Variants in SH3BGRL2 observed in about 807,000 individuals in gnomAD.
SH3BGRL2 encodes the protein SH3 domain binding glutamate rich protein like 2.
In SH3BGRL2, 21 loss-of-function variants were observed where a neutral mutation model predicts 14.8. The observed-to-expected ratio is 1.42, with a 90% CI of 1.01 to 2.05. The LOEUF (loss-of-function observed/expected upper bound fraction) is 2.05, where lower values mean the gene tolerates loss of function less well. Among genes scored for constraint, SH3BGRL2 ranks in the 30% most tolerant of loss-of-function variants. SH3BGRL2 has a pLI of 0.00. For missense variants in SH3BGRL2, 147 were observed against 130.8 expected, an observed-to-expected ratio of 1.12 and a Z score of -0.61; for synonymous variants, 50 against 47.8, an observed-to-expected ratio of 1.05 and a Z score of -0.19.
chr6:79,681,157 G>A (rs1231760657), intron 2 of SH3BGRL2, among the ~76,000 whole-genome samples: 2 of 152,196 alleles, frequency 1.3e-5, no homozygotes, highest in African/African-American at 2.4e-5. Context: ...GAAAAACCAA[G>A]TGGGGTGGAA....
chr6:79,547,435 A>G, the SH3BGRL2 span, among the ~76,000 whole-genome samples: 1 of 152,098 alleles, frequency 6.6e-6, no homozygotes, highest in Non-Finnish European at 1.5e-5. Flanking sequence ...CACCCACCAC[A>G]CTTGACCTGT....
chr6:79,676,328 G>A (rs933077319), intron 2 of SH3BGRL2, among the ~76,000 whole-genome samples: 2 of 152,148 alleles, frequency 1.3e-5, no homozygotes, highest in Admixed American at 6.5e-5. Flanking sequence ...AGGAGAGTGA[G>A]GCACCCTGGG....
At chr6:79,552,867 A>G in the SH3BGRL2 span, 1 of 152,210 alleles carries the variant, frequency 6.6e-6, no homozygotes, top group Non-Finnish European at 1.5e-5. Flanking sequence ...TCAGCATACT[A>G]TACTGGTTAT....
At chr6:79,635,353 T>C (rs549631844) in intron 1 of SH3BGRL2, among the ~76,000 whole-genome samples, 3 of 152,254 alleles carry the variant, frequency 2.0e-5, no homozygotes, top group Non-Finnish European at 4.4e-5. Context: ...GCCATTTATG[T>C]CCAGTCAGTG....
the SH3BGRL2 span, among the ~76,000 whole-genome samples, chr6:79,581,944 A>T: frequency 6.6e-6 from 1 of 152,190 alleles, no homozygotes; most frequent in East Asian, 1.9e-4. Flanking sequence ...AAGTCTCAGG[A>T]TACAAAATCA....
At chr6:79,665,362 T>C (rs908396500) in intron 1 of SH3BGRL2, among the ~76,000 whole-genome samples, 1 of 152,126 alleles carries the variant, frequency 6.6e-6, no homozygotes. Flanking sequence ...ACAAAAAATA[T>C]TCGTAATACA....
intron 2 of SH3BGRL2, among the ~76,000 whole-genome samples, chr6:79,683,077 T>C (rs766546573): frequency 1.3e-5 from 2 of 152,026 alleles, no homozygotes; most frequent in African/African-American, 2.4e-5. Flanking sequence ...AGGGATAGCA[T>C]TAGGAGAAAT....
At chr6:79,642,424 A>G (rs75960282) in intron 1 of SH3BGRL2, among the ~76,000 whole-genome samples, 2 of 152,096 alleles carry the variant, frequency 1.3e-5, no homozygotes, top group South Asian at 2.1e-4. Flanking sequence ...TGTTTTTTTT[A>G]GAGCCCTGGC....
chr6:79,689,792 C>T (rs566167338), intron 2 of SH3BGRL2, among the ~76,000 whole-genome samples: 96 of 152,216 alleles, frequency 6.3e-4, no homozygotes, highest in Non-Finnish European at 9.7e-4. Flanking sequence ...GAAATATAAA[C>T]ATTAAGTCTC....
chr6:79,616,524 AG>A, the SH3BGRL2 span, among the ~76,000 whole-genome samples: 1 of 152,152 alleles, frequency 6.6e-6, no homozygotes, highest in African/African-American at 2.4e-5. Flanking sequence ...GCTATGTGAG[AG>A]GTGGCTTATG....
the SH3BGRL2 span, among the ~76,000 whole-genome samples, chr6:79,561,973 C>T: frequency 1.1e-4 from 16 of 152,274 alleles, no homozygotes; most frequent in Middle Eastern, 3.4e-3. Flanking sequence ...AACTAAGAGG[C>T]TTGCAGAAAA....
At chr6:79,675,991 C>T (rs1028258117) in intron 2 of SH3BGRL2, among the ~76,000 whole-genome samples, 15 of 152,116 alleles carry the variant, frequency 9.9e-5, no homozygotes, top group Non-Finnish European at 1.9e-4. Flanking sequence ...TACATGAATG[C>T]AGCCTTGTTT....
the SH3BGRL2 span, among the ~76,000 whole-genome samples, chr6:79,540,635 T>A: frequency 6.6e-6 from 1 of 152,088 alleles, no homozygotes; most frequent in Non-Finnish European, 1.5e-5. Flanking sequence ...GTACGAGTTT[T>A]TTTTTGTTAA....
Position 79,700,167 on chromosome 6 carries a change from G to T in SH3BGRL2, c.*658G>T, listed in dbSNP as rs984379636. 6.6e-6 allele frequency: 1 copy of T among 152,194 alleles called. No individual in the cohort carries two copies. Among genetic ancestry groups the T allele is most frequent in the African/African-American group, 2.4e-5 (1 of 41,434 alleles). The allele number at this position is 152,194 out of a possible 1,614,324, so 9.4% of individuals were successfully genotyped here. On this transcript the variant is annotated 3_prime_UTR_variant, in exon 4 of 4. Coordinates refer to ENST00000369838, the MANE Select transcript of SH3BGRL2 (RefSeq NM_031469.4). ...CAAGTGATCAGAACTAAGTTACTGG[G>T]ATGACAATAATTGCTATTTGAAATA...
the SH3BGRL2 span, among the ~76,000 whole-genome samples, chr6:79,599,781 C>G: frequency 6.6e-6 from 1 of 152,174 alleles, no homozygotes; most frequent in African/African-American, 2.4e-5. Flanking sequence ...AAATTGAGTG[C>G]TATTCGAGCA....
At chr6:79,584,816 T>C in the SH3BGRL2 span, among the ~76,000 whole-genome samples, 52 of 152,240 alleles carry the variant, frequency 3.4e-4, no homozygotes, top group Non-Finnish European at 6.6e-4. Flanking sequence ...TGGTTTTGCT[T>C]TTAAGATAGT....
chr6:79,678,535 T>C (rs900827141), intron 2 of SH3BGRL2, among the ~76,000 whole-genome samples: 7 of 152,234 alleles, frequency 4.6e-5, no homozygotes, highest in South Asian at 2.1e-4. Context: ...TATTCATCCA[T>C]TGATGGACAT....
At chr6:79,659,355 T>A (rs1769491818) in intron 1 of SH3BGRL2, among the ~76,000 whole-genome samples, 1 of 152,234 alleles carries the variant, frequency 6.6e-6, no homozygotes, top group Admixed American at 6.5e-5. Flanking sequence ...TTTCTACATA[T>A]GGCTAGCCAG....
chr6:79,602,515 G>A, the SH3BGRL2 span, among the ~76,000 whole-genome samples: 3 of 152,138 alleles, frequency 2.0e-5, no homozygotes, highest in African/African-American at 7.2e-5. Context: ...GTTACAGAGG[G>A]GCAAATTGGA....
Sources: gnomAD v4.1 joint callset for allele counts (sites outside exome capture counted in the v4.1 genomes callset) on GRCh38, gnomAD v4.1.1 for gene constraint, MANE v1.5 for transcripts, NCBI Gene and HGNC (gene_info 2026-07-23, HGNC 2026-07-21) for gene names.